ARHGAP42: variants seen among roughly 807,000 people sequenced by gnomAD.
ARHGAP42 encodes the protein Rho GTPase activating protein 42.
In ARHGAP42, 63 loss-of-function variants were observed where a neutral mutation model predicts 125.0. The observed-to-expected ratio is 0.50, with a 90% confidence interval of 0.41 to 0.62. The LOEUF is 0.62. Ranked by LOEUF, ARHGAP42 falls within the 20% of genes least tolerant of loss-of-function variation. The pLI is 0.00. For synonymous variants in ARHGAP42, 339 were observed against 351.0 expected, an observed-to-expected ratio of 0.97 and a Z score of 0.38; for missense variants, 766 against 1,024.2, an observed-to-expected ratio of 0.75 and a Z score of 3.44.
At chr11:100,969,394 T>G (rs1472531786) in intron 17 of ARHGAP42, among the ~76,000 whole-genome samples, 2 of 152,102 alleles carry the variant, frequency 1.3e-5, no homozygotes, top group Non-Finnish European at 2.9e-5. Context: ...TAGATTAATG[T>G]TTTAAATTAA....
At chr11:100,897,546 G>A (rs1332709775) in intron 4 of ARHGAP42, among the ~76,000 whole-genome samples, 4 of 152,038 alleles carry the variant, frequency 2.6e-5, no homozygotes, top group Non-Finnish European at 5.9e-5. Context: ...TCCTTGAAGA[G>A]GTCCTTCACA....
At chr11:100,741,618 C>T (rs1654752060) in intron 1 of ARHGAP42, among the ~76,000 whole-genome samples, 1 of 152,124 alleles carries the variant, frequency 6.6e-6, no homozygotes, top group African/African-American at 2.4e-5. Context: ...AAATTATTGG[C>T]ATACCAGCTG....
chr11:100,933,077 TA>T, intron 6 of ARHGAP42, 78 bp from the exon 7 acceptor site: 1 of 959,016 alleles, frequency 1.0e-6, no homozygotes. Context: ...TAATGAAATA[TA>T]ATTTTCTCCC....
chr11:100,927,386 T>A (rs901290470), intron 6 of ARHGAP42, among the ~76,000 whole-genome samples: 1 of 152,218 alleles, frequency 6.6e-6, no homozygotes, highest in Non-Finnish European at 1.5e-5. Context: ...AAGGTTAAAT[T>A]TCTATCCTGT....
At chr11:100,932,376 G>A in intron 6 of ARHGAP42, among the ~76,000 whole-genome samples, 1 of 152,148 alleles carries the variant, frequency 6.6e-6, no homozygotes. Flanking sequence ...AGACAAGTCT[G>A]TGAAATAAAA....
intron 7 of ARHGAP42, among the ~76,000 whole-genome samples, chr11:100,935,331 C>T (rs1867703865): frequency 6.6e-6 from 1 of 151,882 alleles, no homozygotes; most frequent in South Asian, 2.1e-4. Flanking sequence ...AACTTGGAAA[C>T]CTATTGATTT....
chr11:100,731,810 T>C (rs1445641528), intron 1 of ARHGAP42, among the ~76,000 whole-genome samples: 1 of 152,210 alleles, frequency 6.6e-6, no homozygotes, highest in Non-Finnish European at 1.5e-5. Flanking sequence ...TTCCATCAGA[T>C]CTTTGTTCAA....
intron 12 of ARHGAP42, among the ~76,000 whole-genome samples, chr11:100,957,986 C>T (rs1857848310): frequency 1.3e-5 from 2 of 151,942 alleles, no homozygotes; most frequent in South Asian, 2.1e-4. Context: ...GTCTTTTTCT[C>T]TTAATATATC....
At chr11:100,780,685 C>T (rs1350122050) in intron 2 of ARHGAP42, among the ~76,000 whole-genome samples, 1 of 152,202 alleles carries the variant, frequency 6.6e-6, no homozygotes, top group Admixed American at 6.5e-5. Flanking sequence ...CTCTTTTGAA[C>T]TTGTCTGTGC....
At position 100,742,573 on chromosome 11, in the gene ARHGAP42, C is replaced by T. The variant is rs187643139; in HGVS notation, c.155-27770C>T. 5.3e-5 allele frequency among the ~76,000 whole-genome samples: 8 copies of T among 152,196 alleles called. No individual in the cohort carries two copies. The East Asian group carries it at 7.7e-4, about 15-fold the overall frequency. On this transcript the variant is annotated intron_variant, in intron 1 of 23. Coordinates refer to ENST00000298815, the MANE Select transcript of ARHGAP42 (RefSeq NM_152432.4). ...CAGTTAAATTACTGAACTCTTGCTA[C>T]GTGCCAGGCATTCTGCTGATGACAG... is the stretch of plus-strand genomic sequence containing the variant.
chr11:100,813,149 TGA>T (rs1864186174), intron 3 of ARHGAP42, among the ~76,000 whole-genome samples: 1 of 151,990 alleles, frequency 6.6e-6, no homozygotes, highest in South Asian at 2.1e-4. Flanking sequence ...GAGGCGGCAA[TGA>T]TGTGTCATTG....
At chr11:100,973,037 T>C (rs1858294270) in intron 17 of ARHGAP42, 138 bp from the exon 18 acceptor site, 2 of 677,152 alleles carry the variant, frequency 3.0e-6, no homozygotes, top group South Asian at 2.6e-5. Flanking sequence ...CAAATGCCAA[T>C]TGGAAGTGGC....
chr11:100,860,628 A>C (rs73569794), intron 4 of ARHGAP42, among the ~76,000 whole-genome samples: 1,911 of 152,022 alleles, frequency 0.013, 44 homozygotes, highest in African/African-American at 0.043. Context: ...CTTACCCTTT[A>C]CTTTTTGAAG....
intron 4 of ARHGAP42, among the ~76,000 whole-genome samples, chr11:100,872,096 C>G (rs1865710824): frequency 6.6e-6 from 1 of 152,186 alleles, no homozygotes; most frequent in African/African-American, 2.4e-5. Context: ...CTCTTGTTCT[C>G]TATAGACGGC....
chr11:100,949,349 GTTAAA>G, intron 11 of ARHGAP42, among the ~76,000 whole-genome samples: 1 of 152,190 alleles, frequency 6.6e-6, no homozygotes, highest in Non-Finnish European at 1.5e-5. Context: ...TTTTAAGCCT[GTTAAA>G]TTTAATTTAA....
chr11:100,987,195 A>G (rs1273701750), intron 22 of ARHGAP42, among the ~76,000 whole-genome samples: 1 of 152,188 alleles, frequency 6.6e-6, no homozygotes, highest in African/African-American at 2.4e-5. Context: ...AAAACAGCCT[A>G]TTTAGCAACT....
chr11:100,988,639 G>A, intron 23 of ARHGAP42, 74 bp from the exon 24 acceptor site: 3 of 1,270,886 alleles, frequency 2.4e-6, no homozygotes, highest in East Asian at 2.6e-5. Context: ...CGATGTGGGT[G>A]TTTAACCCAT....
rs189901281 is a variant in ARHGAP42 at position 100,911,710 on chromosome 11, G to A, written c.385-1742G>A. Among the ~76,000 whole-genome samples, 7 of 152,218 alleles carry A rather than the reference G, an allele frequency of 4.6e-5. No homozygotes were observed. In the East Asian group the frequency reaches 1.4e-3, roughly 29 times the overall value. On this transcript the variant is annotated intron_variant, in intron 4 of 23. Coordinates refer to ENST00000298815, the MANE Select transcript of ARHGAP42 (RefSeq NM_152432.4). ...CTGGGTATCTACTCCAACAGTGAGT[G>A]GAGAGGACTAGCCTCTCTATCCTGA...
At chr11:100,783,562 C>T (rs1386721750) in intron 2 of ARHGAP42, among the ~76,000 whole-genome samples, 1 of 152,140 alleles carries the variant, frequency 6.6e-6, no homozygotes, top group Non-Finnish European at 1.5e-5. Flanking sequence ...TCCCTGATTC[C>T]CAGTGTCATG....
Sources: gnomAD v4.1 joint callset for allele counts (sites outside exome capture counted in the v4.1 genomes callset) on GRCh38, gnomAD v4.1.1 for gene constraint, MANE v1.5 for transcripts, NCBI Gene and HGNC (gene_info 2026-07-23, HGNC 2026-07-21) for gene names.